Variants in STK3 observed in about 807,000 individuals in gnomAD.
STK3 encodes the protein serine/threonine kinase 3.
Under a neutral mutation model 58.0 loss-of-function variants are expected in STK3, and 41 were observed. That is an observed-to-expected ratio of 0.71 (90% confidence interval 0.55 to 0.92). STK3 has a LOEUF of 0.92. Among genes scored for constraint, STK3 ranks in the 40% least tolerant of loss-of-function variants. The pLI is 0.00. For synonymous variants in STK3, 170 were observed against 191.0 expected (o/e 0.89, Z 0.91); for missense variants, 479 against 602.7 (o/e 0.79, Z 2.15).
chr8:98,932,618 G>A (rs999645470), intron 1 of STK3, among the ~76,000 whole-genome samples: 10 of 152,342 alleles, frequency 6.6e-5, no homozygotes, highest in African/African-American at 2.4e-4. Context: ...GCCTGGAGTA[G>A]TTGTTTCCAA....
At chr8:98,747,027 G>A (rs985770439) in intron 4 of STK3, among the ~76,000 whole-genome samples, 1 of 150,412 alleles carries the variant, frequency 6.6e-6, no homozygotes, top group African/African-American at 2.5e-5. Flanking sequence ...GGGCAAAAGA[G>A]CGAGAACCTG....
At chr8:98,465,137 T>A (rs1170429338) in intron 10 of STK3, among the ~76,000 whole-genome samples, 2 of 152,202 alleles carry the variant, frequency 1.3e-5, no homozygotes, top group East Asian at 3.9e-4. Context: ...TAAGGTCCTG[T>A]ACACTAAGTC....
intron 1 of STK3, among the ~76,000 whole-genome samples, chr8:98,381,655 C>T (rs538437534): frequency 6.6e-6 from 1 of 152,360 alleles, no homozygotes; most frequent in Non-Finnish European, 1.5e-5. Flanking sequence ...TCACTTAACT[C>T]TCACACCTTT....
intron 1 of STK3, among the ~76,000 whole-genome samples, chr8:98,938,554 G>T (rs1840277769): frequency 6.6e-6 from 1 of 152,228 alleles, no homozygotes; most frequent in South Asian, 2.1e-4. Flanking sequence ...GATTGAGGCA[G>T]CAGGAAGCAG....
At chr8:98,905,432 T>C (rs1348104852) in intron 1 of STK3, 7 of 1,304,388 alleles carry the variant, frequency 5.4e-6, no homozygotes, top group Non-Finnish European at 7.8e-6. Flanking sequence ...TACCCACGTG[T>C]AACTTGGTTG....
At chr8:98,541,982 C>T (rs1388781832) in intron 9 of STK3, among the ~76,000 whole-genome samples, 1 of 152,146 alleles carries the variant, frequency 6.6e-6, no homozygotes, top group African/African-American at 2.4e-5. Flanking sequence ...CTAGTGTCAA[C>T]CCTGTGTCTA....
intron 1 of STK3, among the ~76,000 whole-genome samples, chr8:98,924,092 A>G (rs2132018532): frequency 6.6e-6 from 1 of 152,302 alleles, no homozygotes; most frequent in Middle Eastern, 3.4e-3. Flanking sequence ...CAGAGAGTCC[A>G]TTTGAAGAAA....
chr8:98,874,064 T>A (rs1040303304), intron 3 of STK3, among the ~76,000 whole-genome samples: 1 of 152,142 alleles, frequency 6.6e-6, no homozygotes. Flanking sequence ...TCAGCATTTG[T>A]TGGTCTGTAA....
rs149284336 is a variant in STK3 at position 98,679,376 on chromosome 8, C to T, written c.684+27091G>A. 6.6e-5 allele frequency among the ~76,000 whole-genome samples: 10 copies of T among 152,304 alleles called. No homozygotes were observed. In the East Asian group the frequency reaches 1.9e-3, roughly 29 times the overall value. ...ATCCAGATACCCTCATTTTCTTCAG[C>T]TTTTTATTCCAGTATCATCTTCTCA... On this transcript the variant is annotated intron_variant, in intron 6 of 10. Coordinates refer to ENST00000419617, the MANE Select transcript of STK3 (RefSeq NM_006281.4).
chr8:98,350,950 A>G, the STK3 span, among the ~76,000 whole-genome samples: 9 of 152,248 alleles, frequency 5.9e-5, no homozygotes, highest in Non-Finnish European at 1.3e-4. Flanking sequence ...AGAAAGAAAA[A>G]TACTTTGAGC....
chr8:98,556,778 G>C (rs1318012132), intron 8 of STK3, among the ~76,000 whole-genome samples: 1 of 152,028 alleles, frequency 6.6e-6, no homozygotes, highest in African/African-American at 2.4e-5. Flanking sequence ...TAATTAATTA[G>C]AGCCTGTACT....
chr8:98,558,101 C>T (rs1426504012), intron 8 of STK3, among the ~76,000 whole-genome samples: 2 of 151,828 alleles, frequency 1.3e-5, no homozygotes, highest in African/African-American at 4.8e-5. Context: ...CTTTCACAGC[C>T]AAAAGCATGT....
At chr8:98,767,864 C>G (rs2131447647) in intron 2 of STK3, among the ~76,000 whole-genome samples, 1 of 152,340 alleles carries the variant, frequency 6.6e-6, no homozygotes, top group East Asian at 1.9e-4. Context: ...AATCTGCAGC[C>G]ATCTGCTTCT....
intron 1 of STK3, among the ~76,000 whole-genome samples, chr8:98,932,895 T>C (rs1051135392): frequency 6.6e-6 from 1 of 152,220 alleles, no homozygotes. Flanking sequence ...TCTAGACTGT[T>C]ACCTGGTCAT....
At chr8:98,740,889 G>A (rs1240225047) in intron 4 of STK3, among the ~76,000 whole-genome samples, 1 of 152,112 alleles carries the variant, frequency 6.6e-6, no homozygotes, top group Admixed American at 6.5e-5. Context: ...AAAATAAAAG[G>A]ATGGAGGAAG....
intron 7 of STK3, among the ~76,000 whole-genome samples, chr8:98,583,986 C>G (rs1341503683): frequency 2.0e-5 from 3 of 151,810 alleles, no homozygotes; most frequent in African/African-American, 7.3e-5. Context: ...TAAACCTTCT[C>G]TCTGTAGGGT....
chr8:98,361,222 G>A, the STK3 span, among the ~76,000 whole-genome samples: 1 of 152,158 alleles, frequency 6.6e-6, no homozygotes, highest in Admixed American at 6.5e-5. Context: ...GCTTCATGCT[G>A]GGAGTTTAAG....
chr8:98,553,560 T>C (rs1007075927), intron 8 of STK3, among the ~76,000 whole-genome samples: 4 of 152,194 alleles, frequency 2.6e-5, no homozygotes, highest in African/African-American at 7.2e-5. Context: ...AAAGATATTA[T>C]ACTTTGGGAC....
intron 8 of STK3, among the ~76,000 whole-genome samples, chr8:98,568,525 C>A (rs1464657509): frequency 6.6e-6 from 1 of 152,178 alleles, no homozygotes; most frequent in African/African-American, 2.4e-5. Flanking sequence ...ACACACAGAG[C>A]TGCCAGAGGT....
Sources: gnomAD v4.1 joint callset for allele counts (sites outside exome capture counted in the v4.1 genomes callset) on GRCh38, gnomAD v4.1.1 for gene constraint, MANE v1.5 for transcripts, NCBI Gene and HGNC (gene_info 2026-07-23, HGNC 2026-07-21) for gene names.